Variants in MMP27 observed in about 807,000 individuals in gnomAD.
MMP27 encodes matrix metallopeptidase 27, also known as matrix metalloproteinase-27.
In MMP27, 51 loss-of-function variants were observed where a neutral mutation model predicts 48.1. The observed-to-expected ratio is 1.06, with a 90% CI of 0.85 to 1.34. The LOEUF is 1.34. Among genes scored for constraint, MMP27 ranks in the 40% most tolerant of loss-of-function variants. The probability of loss-of-function intolerance (pLI) is 0.00; values close to 1 mark genes in which losing one functional copy is unlikely to be tolerated. For synonymous variants in MMP27, 229 were observed against 208.9 expected (o/e 1.10, Z -0.83); for missense variants, 698 against 619.3 (o/e 1.13, Z -1.35).
intron 2 of MMP27, 29 bp downstream of exon 2, chr11:102,704,508 A>T: frequency 6.8e-7 from 1 of 1,481,240 alleles, no homozygotes; most frequent in Non-Finnish European, 9.4e-7. Context: ...CCTTTGGATT[A>T]GGCGGAAATA....
intron 2 of MMP27, 23 bp from the exon 3 acceptor site, chr11:102,703,141 T>C (rs1442685954): frequency 6.2e-7 from 1 of 1,604,052 alleles, no homozygotes; most frequent in Non-Finnish European, 8.5e-7. Flanking sequence ...CAAAAATATG[T>C]CAATTTCTGG....
At chr11:102,699,831 G>C (rs1478276861) in intron 4 of MMP27, among the ~76,000 whole-genome samples, 4 of 152,150 alleles carry the variant, frequency 2.6e-5, no homozygotes, top group Non-Finnish European at 5.9e-5. Context: ...TTTTAGCCTT[G>C]TCTTCTACAA....
chr11:102,699,255 T>C (rs780638584), intron 4 of MMP27, among the ~76,000 whole-genome samples: 1 of 151,854 alleles, frequency 6.6e-6, no homozygotes, highest in Non-Finnish European at 1.5e-5. Context: ...TATCTTGAGC[T>C]CAGGAGTTCA....
chr11:102,696,356 G>C lies in MMP27; in HGVS notation c.902+15C>G. 6.2e-7 allele frequency: 1 copy of C among 1,612,968 alleles called. No individual in the cohort carries two copies. Among genetic ancestry groups the C allele is most frequent in the Non-Finnish European group, 8.5e-7 (1 of 1,179,368 alleles). ...TCTTCATAGGAAGTTGAGGTGTTTA[G>C]AGAAATGAGTTTACCTGCCTTTAAA... is the stretch of plus-strand genomic sequence containing the variant. On this transcript the variant is annotated intron_variant, in intron 6 of 9. Coordinates refer to ENST00000260229, the MANE Select transcript of MMP27 (RefSeq NM_022122.3).
intron 4 of MMP27, among the ~76,000 whole-genome samples, chr11:102,701,207 T>C (rs929722958): frequency 6.6e-6 from 1 of 152,164 alleles, no homozygotes; most frequent in African/African-American, 2.4e-5. Flanking sequence ...AACTGCTGCC[T>C]GGTTGCCCAC....
At position 102,693,963 on chromosome 11, in the gene MMP27, G is replaced by A. The variant is rs1357572236; in HGVS notation, c.1136C>T (p.Ala379Val). Residue 379 changes from alanine (A) to valine (V), a missense_variant, in exon 8 of 10, where the codon GCC becomes GTC. Ala to Val is a moderately conservative substitution (Grantham distance 64). Coordinates refer to ENST00000260229, the MANE Select transcript of MMP27 (RefSeq NM_022122.3). The stretch of plus-strand genomic sequence containing the variant: ...TTTTCTTGTGGTCTTATCACAGACG[G>A]CTGCATCTATTTTCTTCACACGTCC... Reference protein sequence around the residue: ...FPGRVKKIDAAVCDKTTRKTY... With the variant: ...FPGRVKKIDAVVCDKTTRKTY... 1 of 1,611,890 alleles carries A rather than the reference G, an allele frequency of 6.2e-7. No individual in the cohort carries two copies. Among genetic ancestry groups the A allele is most frequent in the Non-Finnish European group, 8.5e-7 (1 of 1,178,888 alleles).
intron 4 of MMP27, among the ~76,000 whole-genome samples, chr11:102,701,890 G>C (rs1433341137): frequency 6.6e-6 from 1 of 152,194 alleles, no homozygotes; most frequent in African/African-American, 2.4e-5. Context: ...TACATGGTCG[G>C]GAATGATCTG....
At chr11:102,697,867 G>A (rs960674312) in intron 4 of MMP27, among the ~76,000 whole-genome samples, 3 of 152,192 alleles carry the variant, frequency 2.0e-5, no homozygotes, top group Admixed American at 6.5e-5. Flanking sequence ...CAAACTTGTT[G>A]TACAGCTGTA....
intron 4 of MMP27, among the ~76,000 whole-genome samples, chr11:102,700,399 A>T (rs545005157): frequency 6.6e-6 from 1 of 152,230 alleles, no homozygotes; most frequent in Admixed American, 6.5e-5. Flanking sequence ...TATCATTATC[A>T]TCATCAATAC....
At chr11:102,698,437 A>G (rs1860874922) in intron 4 of MMP27, among the ~76,000 whole-genome samples, 1 of 151,770 alleles carries the variant, frequency 6.6e-6, no homozygotes, top group African/African-American at 2.4e-5. Context: ...AGGGTAAGAA[A>G]ATGGCTTGAA....
chr11:102,693,338 C>T (rs1860759834), intron 8 of MMP27, among the ~76,000 whole-genome samples: 1 of 152,092 alleles, frequency 6.6e-6, no homozygotes, highest in African/African-American at 2.4e-5. Flanking sequence ...AAATTTTTCA[C>T]TAGATATGTT....
In MMP27 at chr11:102,691,878, A is replaced by C; in HGVS notation, c.1430T>G (p.Ile477Ser). ...TCCTGAATGTGCTTTTTCCTTGTTG[A>C]TATCAAAACCAAATGAGGAGTTCTT... ...EPKNSSFGFD[I>S]NKEKAHSGGI... Residue 477 changes from isoleucine (I) to serine (S), a missense_variant, in exon 10 of 10, where the codon ATC (isoleucine) becomes AGC (serine). Ile to Ser is a moderately radical substitution (Grantham distance 142). Transcript: ENST00000260229. 1.2e-6 allele frequency: 2 copies of C among 1,613,628 alleles called. No homozygotes were observed. The highest frequency in any genetic ancestry group is 1.7e-6 in the Non-Finnish European group (2 of 1,179,782).
In MMP27 at chr11:102,692,947, G is replaced by T; in HGVS notation, c.1288C>A (p.Gln430Lys). ...GISIRVDAAF[Q>K]YKGFFFFSRG... Reference sequence around the variant, plus strand: ...AGACATCCATGCTTACCTTTGTACTGGAAAGCAGCATCAACACGGATACTG... The same window carrying T: ...AGACATCCATGCTTACCTTTGTACTTGAAAGCAGCATCAACACGGATACTG... Residue 430 changes from glutamine to lysine, a missense_variant, in exon 9 of 10, where the codon CAG becomes AAG. By Grantham distance (53) the Gln-to-Lys change is moderately conservative. Transcript: ENST00000260229. 1 of 1,612,904 alleles carries T rather than the reference G, an allele frequency of 6.2e-7. No homozygotes were observed. Among genetic ancestry groups the T allele is most frequent in the Non-Finnish European group, 8.5e-7 (1 of 1,179,036 alleles).
intron 9 of MMP27, 117 bp downstream of exon 9, chr11:102,692,821 T>C: frequency 1.4e-6 from 1 of 730,094 alleles, no homozygotes; most frequent in Non-Finnish European, 2.3e-6. Context: ...TATTATTGTA[T>C]ATACTTAAGA....
chr11:102,702,655 G>A, intron 4 of MMP27, 98 bp downstream of exon 4: 3 of 1,364,336 alleles, frequency 2.2e-6, no homozygotes, highest in Non-Finnish European at 3.0e-6. Context: ...TGGGGACATT[G>A]GGAACTTTAC....
intron 6 of MMP27, among the ~76,000 whole-genome samples, chr11:102,696,130 G>A (rs1372398730): frequency 1.3e-5 from 2 of 152,102 alleles, no homozygotes; most frequent in African/African-American, 4.8e-5. Context: ...CACTGAAAGT[G>A]GACTCTATTT....
chr11:102,702,983 G>C lies in MMP27; in HGVS notation c.477C>G (p.Ala159=), dbSNP rs1374233075. 2.5e-6 allele frequency: 4 copies of C among 1,613,844 alleles called. No homozygotes were observed. The South Asian group carries it at 3.3e-5, about 13-fold the overall frequency. The change falls in exon 3 of 10, where the codon GCC becomes GCG. Residue 159 remains alanine, a synonymous_variant. Coordinates refer to ENST00000260229, the MANE Select transcript of MMP27 (RefSeq NM_022122.3). ...ISKGIADIMI[A]FRTRVHGRCP... is the part of the protein sequence containing the mutation. ...TGAAAACCTTACCTCGAGTCCTAAAGGCAATCATGATGTCTGCAATCCCCT... is the reference window on the plus strand; with the variant it reads ...TGAAAACCTTACCTCGAGTCCTAAACGCAATCATGATGTCTGCAATCCCCT...
rs1565424077 is a variant in MMP27 at position 102,691,648 on chromosome 11, T to C, written c.*118A>G. The C allele has an allele frequency of 2.2e-6, 2 of 907,012 alleles. No individual in the cohort carries two copies. The highest frequency in any genetic ancestry group is 3.2e-6 in the Non-Finnish European group (2 of 628,200). The allele number at this position is 907,012 out of a possible 1,614,324, so 56.2% of individuals were successfully genotyped here. ...AGAATCAGGCAGCTCAAAATGGCCA[T>C]TGAATTTGGATATTTAGAACTAGGA... On this transcript the variant is annotated 3_prime_UTR_variant, in exon 10 of 10. Coordinates refer to ENST00000260229, the MANE Select transcript of MMP27 (RefSeq NM_022122.3).
chr11:102,691,813 TAAAC>T lies in MMP27; in HGVS notation c.1491_1494del (p.Ile499LeufsTer7), dbSNP rs1346294157. On this transcript the variant is annotated frameshift_variant, in exon 10 of 10. Transcript: ENST00000260229. LOFTEE classifies it high-confidence loss of function. The stretch of plus-strand genomic sequence containing the variant: ...TTCAGCAAATGAACAATACCAAAAA[TAAAC>T]AAGCTTAAACTCTTATGATACAATA... 5 of 1,608,692 alleles carry T rather than the reference TAAAC, an allele frequency of 3.1e-6. No homozygotes were observed. Among genetic ancestry groups the T allele is most frequent in the Non-Finnish European group, 4.2e-6 (5 of 1,176,992 alleles).
Sources: gnomAD v4.1 joint callset for allele counts (sites outside exome capture counted in the v4.1 genomes callset) on GRCh38, gnomAD v4.1.1 for gene constraint, MANE v1.5 for transcripts, NCBI Gene and HGNC (gene_info 2026-07-23, HGNC 2026-07-21) for gene names.